FAM228A: variants seen among roughly 807,000 people sequenced by gnomAD.
FAM228A encodes the protein family with sequence similarity 228 member A.
Under a neutral mutation model 18.6 loss-of-function variants are expected in FAM228A, and 13 were observed. The ratio of observed to expected loss-of-function variants is 0.70; its 90% CI spans 0.45 to 1.11. The LOEUF (loss-of-function observed/expected upper bound fraction) is 1.11, where lower values mean the gene tolerates loss of function less well. Among genes scored for constraint, FAM228A ranks in the 50% least tolerant of loss-of-function variants. The pLI is 0.00. For missense variants in FAM228A, 240 were observed against 242.2 expected (o/e 0.99, Z 0.06); for synonymous variants, 77 against 86.6 (o/e 0.89, Z 0.61).
In FAM228A at chr2:24,190,891, C is replaced by T. The variant is rs1253076357; in HGVS notation, c.*260C>T. On this transcript the variant is annotated 3_prime_UTR_variant, in exon 6 of 6. Coordinates refer to ENST00000295150, the MANE Select transcript of FAM228A (RefSeq NM_001040710.3). ...CAACCTGGCCACAGGGGCTTTTCCC[C>T]CTGAGATTTCTTCAGCGCCTTCGCC... The T allele has an allele frequency of 2.3e-5, 27 of 1,181,574 alleles. No homozygotes were observed. Among genetic ancestry groups the T allele is most frequent in the Non-Finnish European group, 2.6e-5 (25 of 954,468 alleles). 73.2% of individuals were successfully genotyped at this position (1,181,574 alleles called of 1,614,324 possible). A position where few individuals can be genotyped will look rare whatever the true frequency, so the allele number is the denominator to read the frequency against.
intron 3 of FAM228A, among the ~76,000 whole-genome samples, chr2:24,179,581 G>C (rs906947136): frequency 6.6e-6 from 1 of 152,226 alleles, no homozygotes; most frequent in South Asian, 2.1e-4. Context: ...TGGTCTCGTG[G>C]TGGGTTCTGA....
At position 24,190,710 on chromosome 2, in the gene FAM228A, G is replaced by C; in HGVS notation, c.*79G>C. 2 of 1,449,822 alleles carry C rather than the reference G, an allele frequency of 1.4e-6. No individual in the cohort carries two copies. Among genetic ancestry groups the C allele is most frequent in the Admixed American group, 2.9e-5 (1 of 34,998 alleles). 89.8% of individuals were successfully genotyped at this position (1,449,822 alleles called of 1,614,324 possible). On this transcript the variant is annotated 3_prime_UTR_variant, in exon 6 of 6. Transcript: ENST00000295150. ...GGCCCAAGAAGAAGGGTGTGAAGAG[G>C]AGGAGGGAGAAATGGCGGTGGCCTC...
chr2:24,191,048 T>C lies in FAM228A; in HGVS notation c.*417T>C. On this transcript the variant is annotated 3_prime_UTR_variant, in exon 6 of 6. Transcript: ENST00000295150. ...TTGAAATGAAATTTATACCAAAAAA[T>C]TAGGGCAAGATGAGATTTTTTGATA... The C allele has an allele frequency of 1.0e-6, 1 of 992,506 alleles. No individual in the cohort carries two copies. Among genetic ancestry groups the C allele is most frequent in the Non-Finnish European group, 1.2e-6 (1 of 834,770 alleles). The allele number at this position is 992,506 out of a possible 1,614,324, so 61.5% of individuals were successfully genotyped here. A position where few individuals can be genotyped will look rare whatever the true frequency, so the allele number is the denominator to read the frequency against.
chr2:24,188,458 C>CG, intron 5 of FAM228A: 1 of 985,288 alleles, frequency 1.0e-6, no homozygotes, highest in Non-Finnish European at 1.2e-6. Context: ...TGTCTGTACT[C>CG]GGGGCCTGGA....
In FAM228A at chr2:24,190,907, C is replaced by T. The variant is rs993789393; in HGVS notation, c.*276C>T. 1.1e-5 allele frequency: 13 copies of T among 1,145,426 alleles called. No homozygotes were observed. Among genetic ancestry groups the T allele is most frequent in the Middle Eastern group, 3.6e-4 (1 of 2,776 alleles). The allele number at this position is 1,145,426 out of a possible 1,614,324, so 71.0% of individuals were successfully genotyped here. A position where few individuals can be genotyped will look rare whatever the true frequency, so the allele number is the denominator to read the frequency against. On this transcript the variant is annotated 3_prime_UTR_variant, in exon 6 of 6. Coordinates refer to ENST00000295150, the MANE Select transcript of FAM228A (RefSeq NM_001040710.3). ...GCTTTTCCCCCTGAGATTTCTTCAGCGCCTTCGCCCGGGCCTTTGCCCTTC... is the reference window on the plus strand; with the variant it reads ...GCTTTTCCCCCTGAGATTTCTTCAGTGCCTTCGCCCGGGCCTTTGCCCTTC...
intron 3 of FAM228A, among the ~76,000 whole-genome samples, chr2:24,179,886 A>G (rs1323362264): frequency 2.0e-5 from 3 of 152,168 alleles, no homozygotes; most frequent in African/African-American, 7.2e-5. Flanking sequence ...CTGGAAAGCC[A>G]CTGTGGCTTT....
In FAM228A at chr2:24,190,698, G is replaced by T; in HGVS notation, c.*67G>T. 6.8e-7 allele frequency: 1 copy of T among 1,470,840 alleles called. No individual in the cohort carries two copies. The highest frequency in any genetic ancestry group is 1.5e-5 in the South Asian group (1 of 67,882). 91.1% of individuals were successfully genotyped at this position (1,470,840 alleles called of 1,614,324 possible). On this transcript the variant is annotated 3_prime_UTR_variant, in exon 6 of 6. Coordinates refer to ENST00000295150, the MANE Select transcript of FAM228A (RefSeq NM_001040710.3). The stretch of plus-strand genomic sequence containing the variant: ...CGGAGGAGGCATGGCCCAAGAAGAA[G>T]GGTGTGAAGAGGAGGAGGGAGAAAT...
chr2:24,175,550 C>T lies in FAM228A; in HGVS notation c.70C>T (p.Pro24Ser), dbSNP rs747210211. Residue 24 changes from proline to serine, a missense_variant, in exon 2 of 6, where the codon CCC (proline) becomes TCC (serine). Transcript: ENST00000295150. ...RPEKLREWPEPESVSLMEVLA... is the reference protein window; with the variant it reads ...RPEKLREWPESESVSLMEVLA... The stretch of plus-strand genomic sequence containing the variant: ...AGAAAAGTTAAGAGAATGGCCGGAG[C>T]CCGAGTCCGTTTCTTTAATGGAGGT... The T allele has an allele frequency of 3.7e-6, 6 of 1,613,994 alleles. No individual in the cohort carries two copies. The highest frequency in any genetic ancestry group is 5.1e-6 in the Non-Finnish European group (6 of 1,179,822).
intron 5 of FAM228A, among the ~76,000 whole-genome samples, chr2:24,185,468 A>C (rs1254663568): frequency 1.3e-5 from 2 of 152,236 alleles, no homozygotes; most frequent in African/African-American, 4.8e-5. Context: ...ATAAAAAAGT[A>C]ATGGCAAAAA....
In FAM228A at chr2:24,183,480, T is replaced by C; in HGVS notation, c.251-15T>C. On this transcript the variant is annotated splice_polypyrimidine_tract_variant and intron_variant, in intron 4 of 5. Transcript: ENST00000295150. ...TCTTGAAGAGTGTTGATTTCGATTT[T>C]TTATCTTCCTGTAGGAAAACGACAT... is the stretch of plus-strand genomic sequence containing the variant. The C allele has an allele frequency of 1.2e-6, 2 of 1,608,734 alleles. No individual in the cohort carries two copies. The highest frequency in any genetic ancestry group is 1.7e-6 in the Non-Finnish European group (2 of 1,177,084).
chr2:24,179,342 G>T, intron 3 of FAM228A: 1 of 395,566 alleles, frequency 2.5e-6, no homozygotes, highest in Non-Finnish European at 3.7e-6. Flanking sequence ...TTGAAGAGTT[G>T]GTCTAACAAT....
chr2:24,182,833 A>C (rs892740312), intron 3 of FAM228A, among the ~76,000 whole-genome samples: 10 of 152,088 alleles, frequency 6.6e-5, no homozygotes, highest in African/African-American at 2.4e-4. Flanking sequence ...AGAGCGCTTA[A>C]CAGAAGTGCG....
intron 3 of FAM228A, among the ~76,000 whole-genome samples, chr2:24,179,711 AT>A (rs1482896944): frequency 6.6e-6 from 1 of 152,196 alleles, no homozygotes; most frequent in African/African-American, 2.4e-5. Context: ...TTAGGTCTTC[AT>A]TCAGGGCAGG....
chr2:24,175,892 CA>C, intron 2 of FAM228A: 1 of 1,080,934 alleles, frequency 9.3e-7, no homozygotes, highest in Non-Finnish European at 1.1e-6. Flanking sequence ...ATGATTTTCT[CA>C]AAAAGTTTCA....
rs1667869147 is a variant in FAM228A at position 24,183,617 on chromosome 2, A to G, written c.373A>G (p.Arg125Gly). The change falls in exon 5 of 6, where the codon AGA becomes GGA. Residue 125 changes from arginine (R) to glycine (G), a missense_variant. By Grantham distance (125) the Arg-to-Gly change is moderately radical (BLOSUM62 -2). Transcript: ENST00000295150. ...AAAAGAGTGGCATAAAGCCTCTGCA[A>G]GAGCCAGGAGTAAAACTTACAAATA... Reference protein sequence around the residue: ...IPKEWHKASARARSKTYKYSP... With the variant: ...IPKEWHKASAGARSKTYKYSP... The G allele has an allele frequency of 6.2e-7, 1 of 1,608,404 alleles. No homozygotes were observed. The highest frequency in any genetic ancestry group is 1.7e-4 in the Middle Eastern group (1 of 6,032).
chr2:24,175,176 T>G lies in FAM228A; in HGVS notation c.-15+2T>G, dbSNP rs1667648214. Reference sequence around the variant, plus strand: ...GACTTCCCCCGGAGCTGGCCTGAGGTGGGGCCCGGGGAGGCCTACGGGCCT... The same window carrying G: ...GACTTCCCCCGGAGCTGGCCTGAGGGGGGGCCCGGGGAGGCCTACGGGCCT... On this transcript the variant is annotated splice_donor_variant, in intron 1 of 5. Transcript: ENST00000295150. LOFTEE classifies it low-confidence loss of function (5UTR_SPLICE). 2 of 316,538 alleles carry G rather than the reference T, an allele frequency of 6.3e-6. No individual in the cohort carries two copies. Among genetic ancestry groups the G allele is most frequent in the Non-Finnish European group, 1.2e-5 (2 of 169,566 alleles). 19.6% of individuals were successfully genotyped at this position (316,538 alleles called of 1,614,324 possible).
At chr2:24,183,838 C>T (rs1037937406) in intron 5 of FAM228A, among the ~76,000 whole-genome samples, 193 bp downstream of exon 5, 4 of 152,140 alleles carry the variant, frequency 2.6e-5, no homozygotes, top group Non-Finnish European at 5.9e-5. Flanking sequence ...GTCCCTGAGT[C>T]AGTCCTGTGG....
At chr2:24,188,662 C>G in intron 5 of FAM228A, 4 of 985,130 alleles carry the variant, frequency 4.1e-6, no homozygotes, top group Non-Finnish European at 4.8e-6. Context: ...TGACCTGGTA[C>G]TTGAAATGCT....
At position 24,190,666 on chromosome 2, in the gene FAM228A, C is replaced by T; in HGVS notation, c.*35C>T. Reference sequence around the variant, plus strand: ...ACAGCCCTCCCTGTCAGACAGGCACCCAAGGGCGGAGGAGGCATGGCCCAA... The same window carrying T: ...ACAGCCCTCCCTGTCAGACAGGCACTCAAGGGCGGAGGAGGCATGGCCCAA... On this transcript the variant is annotated 3_prime_UTR_variant, in exon 6 of 6. Transcript: ENST00000295150. 4 of 1,509,838 alleles carry T rather than the reference C, an allele frequency of 2.6e-6. No homozygotes were observed. In the South Asian group the frequency reaches 4.1e-5, roughly 15 times the overall value. 93.5% of individuals were successfully genotyped at this position (1,509,838 alleles called of 1,614,324 possible). A position where few individuals can be genotyped will look rare whatever the true frequency, so the allele number is the denominator to read the frequency against.
Sources: allele counts gnomAD v4.1 joint callset (sites outside exome capture counted in the v4.1 genomes callset), GRCh38; gene constraint gnomAD v4.1.1; transcripts MANE v1.5; gene names NCBI Gene and HGNC (gene_info 2026-07-23, HGNC 2026-07-21).